TCERG1L: variants seen among roughly 807,000 people sequenced by gnomAD.
TCERG1L encodes the protein transcription elongation regulator 1 like, also known as transcription elongation regulator 1-like protein.
TCERG1L carries 37 observed loss-of-function variants against 56.3 expected under a neutral mutation model. The ratio of observed to expected loss-of-function variants is 0.66; its 90% CI spans 0.51 to 0.87. The LOEUF is 0.87. Among genes scored for constraint, TCERG1L ranks in the 40% least tolerant of loss-of-function variants. The probability of loss-of-function intolerance (pLI) is 0.00; values close to 1 mark genes in which losing one functional copy is unlikely to be tolerated. For missense variants in TCERG1L, 799 were observed against 774.2 expected, an observed-to-expected ratio of 1.03 and a Z score of -0.38; for synonymous variants, 324 against 326.3, an observed-to-expected ratio of 0.99 and a Z score of 0.08.
intron 4 of TCERG1L, among the ~76,000 whole-genome samples, chr10:131,233,400 C>T (rs888525974): frequency 6.6e-6 from 1 of 151,912 alleles, no homozygotes; most frequent in Non-Finnish European, 1.5e-5. Context: ...GGATGGTGTT[C>T]TTGAATATCC....
At chr10:131,207,078 G>A (rs1364283759) in intron 4 of TCERG1L, among the ~76,000 whole-genome samples, 6 of 152,192 alleles carry the variant, frequency 3.9e-5, no homozygotes, top group Admixed American at 2.0e-4. Context: ...AGCGAGCGTC[G>A]GAGTGGGCGC....
intron 4 of TCERG1L, among the ~76,000 whole-genome samples, chr10:131,250,123 C>T (rs1339261707): frequency 1.3e-5 from 2 of 152,208 alleles, no homozygotes; most frequent in Non-Finnish European, 2.9e-5. Flanking sequence ...CTGCATGCGG[C>T]GTGCACGCCT....
intron 4 of TCERG1L, among the ~76,000 whole-genome samples, chr10:131,178,772 G>A (rs1845138583): frequency 6.6e-6 from 1 of 152,178 alleles, no homozygotes; most frequent in South Asian, 2.1e-4. Flanking sequence ...CGTTCTATGC[G>A]CTCCAGGATG....
At position 131,194,319 on chromosome 10, in the gene TCERG1L, C is replaced by T. The variant is rs75298590; in HGVS notation, c.857-27434G>A. 1.5e-3 allele frequency among the ~76,000 whole-genome samples: 222 copies of T among 152,360 alleles called. 4 individuals carry two copies. In the East Asian group the frequency reaches 0.036, roughly 25 times the overall value. ...TGACGAAGGGAGACAGGTGATATCCCCACCATTGCCTTCAGCACCTTTCCA... is the reference window on the plus strand; with the variant it reads ...TGACGAAGGGAGACAGGTGATATCCTCACCATTGCCTTCAGCACCTTTCCA... On this transcript the variant is annotated intron_variant, in intron 4 of 11. Transcript: ENST00000368642.
chr10:131,132,052 C>T (rs902662542), intron 8 of TCERG1L, among the ~76,000 whole-genome samples: 2 of 152,146 alleles, frequency 1.3e-5, no homozygotes, highest in African/African-American at 2.4e-5. Context: ...TGGCCTGGGG[C>T]GATTCGCTCT....
Position 131,260,567 on chromosome 10 carries a change from T to C in TCERG1L, c.671-123A>G. On this transcript the variant is annotated intron_variant, in intron 3 of 11. Coordinates refer to ENST00000368642, the MANE Select transcript of TCERG1L (RefSeq NM_174937.4). This position sits in a 1 kb window ranked among gnomAD's most constrained non-coding sequence, Gnocchi z 5.8. ...CAGGTGAGGGGGGCGCTACCCCTCTTTAATGGAGGCCCACAGTATGTGCCA... is the reference window on the plus strand; with the variant it reads ...CAGGTGAGGGGGGCGCTACCCCTCTCTAATGGAGGCCCACAGTATGTGCCA... The C allele has an allele frequency of 1.7e-6, 2 of 1,173,392 alleles. No individual in the cohort carries two copies. The highest frequency in any genetic ancestry group is 1.6e-5 in the African/African-American group (1 of 62,454). 72.7% of individuals were successfully genotyped at this position (1,173,392 alleles called of 1,614,324 possible). A position where few individuals can be genotyped will look rare whatever the true frequency, so the allele number is the denominator to read the frequency against.
intron 3 of TCERG1L, among the ~76,000 whole-genome samples, chr10:131,293,235 T>C (rs1183041336): frequency 6.6e-6 from 1 of 152,204 alleles, no homozygotes; most frequent in Non-Finnish European, 1.5e-5. Context: ...CCTTGAGTTT[T>C]CTAATGCCTG....
chr10:131,235,929 C>T (rs555448120), intron 4 of TCERG1L, among the ~76,000 whole-genome samples: 1 of 152,286 alleles, frequency 6.6e-6, no homozygotes, highest in East Asian at 1.9e-4. Flanking sequence ...AGATAAATCC[C>T]TATAAAATGT....
At chr10:131,221,018 C>A (rs965696892) in intron 4 of TCERG1L, among the ~76,000 whole-genome samples, 1 of 152,082 alleles carries the variant, frequency 6.6e-6, no homozygotes, top group Non-Finnish European at 1.5e-5. Context: ...GCCACTGAGG[C>A]CCCCCCAAGC....
In TCERG1L at chr10:131,260,953, G is replaced by A. The variant is rs1009446663; in HGVS notation, c.671-509C>T. ...CTGGGCCCTGCAGGGAGAGGGCGGA[G>A]AGGTTTCCAGAGGGCACCAGGCTCA... On this transcript the variant is annotated intron_variant, in intron 3 of 11. Transcript: ENST00000368642. The surrounding 1 kb of genome is among the most constrained non-coding windows in gnomAD (Gnocchi z 5.8). 6.6e-6 allele frequency among the ~76,000 whole-genome samples: 1 copy of A among 151,404 alleles called. No homozygotes were observed. The highest frequency in any genetic ancestry group is 6.6e-5 in the Admixed American group (1 of 15,194).
chr10:131,148,024 G>A (rs1845818653), intron 6 of TCERG1L, among the ~76,000 whole-genome samples: 1 of 152,220 alleles, frequency 6.6e-6, no homozygotes, highest in Non-Finnish European at 1.5e-5. Context: ...AAATCACCCT[G>A]AGAAGGTGTG....
intron 9 of TCERG1L, among the ~76,000 whole-genome samples, chr10:131,108,566 C>T (rs559704220): frequency 9.2e-5 from 14 of 152,308 alleles, no homozygotes; most frequent in Admixed American, 3.3e-4. Context: ...CTCACACAGG[C>T]GGCTGACCAG....
chr10:131,251,743 G>A (rs1193875721), intron 4 of TCERG1L, among the ~76,000 whole-genome samples: 9 of 152,134 alleles, frequency 5.9e-5, no homozygotes, highest in South Asian at 2.1e-4. Context: ...ATGAGAACAC[G>A]CCTCCTTTTC....
intron 4 of TCERG1L, among the ~76,000 whole-genome samples, chr10:131,205,009 C>T (rs1471241880): frequency 6.6e-6 from 1 of 152,156 alleles, no homozygotes; most frequent in Non-Finnish European, 1.5e-5. Context: ...ATGCCCTCAA[C>T]CCCTGCCACC....
At chr10:131,233,480 GCACACACGCTCA>G (rs1845876032) in intron 4 of TCERG1L, among the ~76,000 whole-genome samples, 1 of 150,252 alleles carries the variant, frequency 6.7e-6, no homozygotes, top group South Asian at 2.1e-4. Context: ...ACACAGACAC[GCACACACGCTCA>G]CACACACACA....
At chr10:131,221,784 A>C (rs2944496) in intron 4 of TCERG1L, among the ~76,000 whole-genome samples, 2 of 152,170 alleles carry the variant, frequency 1.3e-5, no homozygotes, top group Admixed American at 6.5e-5. Flanking sequence ...GCTTTTCTGC[A>C]GTGTGAAAAT....
At chr10:131,307,828 A>G (rs1404049982) in intron 3 of TCERG1L, among the ~76,000 whole-genome samples, 1 of 152,210 alleles carries the variant, frequency 6.6e-6, no homozygotes, top group Non-Finnish European at 1.5e-5. Flanking sequence ...CCTACAGACC[A>G]GCAAACATTA....
At chr10:131,285,917 A>G (rs1374923964) in intron 3 of TCERG1L, among the ~76,000 whole-genome samples, 10 of 152,210 alleles carry the variant, frequency 6.6e-5, no homozygotes, top group African/African-American at 2.2e-4. Flanking sequence ...GTTAAAACCT[A>G]TAAGCATATT....
intron 11 of TCERG1L, 150 bp from the exon 12 acceptor site, chr10:131,093,468 A>C (rs1845204040): frequency 6.8e-6 from 6 of 881,278 alleles, no homozygotes; most frequent in Non-Finnish European, 5.2e-6. Context: ...AGCGGCTCTG[A>C]CCAGCCGTGC....
Sources: gnomAD v4.1 joint callset for allele counts (sites outside exome capture counted in the v4.1 genomes callset) on GRCh38, gnomAD v4.1.1 for gene constraint, Gnocchi (gnomAD v3.1) non-coding constraint, MANE v1.5 for transcripts, NCBI Gene and HGNC (gene_info 2026-07-23, HGNC 2026-07-21) for gene names.